SPOCK3: variants seen among roughly 807,000 people sequenced by gnomAD.
SPOCK3 encodes testican-3.
SPOCK3 carries 30 observed loss-of-function variants against 56.6 expected under a neutral mutation model. The observed-to-expected ratio is 0.53, with a 90% confidence interval of 0.40 to 0.72. SPOCK3 has a LOEUF of 0.72. SPOCK3 is among the 30% of genes least tolerant of loss of function. The pLI is 0.00. For missense variants in SPOCK3, 527 were observed against 530.0 expected (o/e 0.99, Z 0.06); for synonymous variants, 196 against 183.3 (o/e 1.07, Z -0.56).
chr4:167,167,501 T>C (rs1210857540), intron 2 of SPOCK3, among the ~76,000 whole-genome samples: 1 of 152,180 alleles, frequency 6.6e-6, no homozygotes, highest in Non-Finnish European at 1.5e-5. Context: ...CAGAAAACTG[T>C]AAATAAATCA....
intron 6 of SPOCK3, among the ~76,000 whole-genome samples, chr4:166,829,582 T>G (rs937002064): frequency 6.6e-6 from 1 of 152,120 alleles, no homozygotes; most frequent in East Asian, 1.9e-4. Flanking sequence ...TTTAACTTAC[T>G]AATCGTCTCA....
At chr4:167,189,334 T>C (rs1232154928) in intron 2 of SPOCK3, among the ~76,000 whole-genome samples, 1 of 145,878 alleles carries the variant, frequency 6.9e-6, no homozygotes, top group Non-Finnish European at 1.5e-5. Context: ...TATTTAGAAA[T>C]AGTTTGTCAG....
chr4:167,014,657 ATT>A (rs954926292), intron 3 of SPOCK3, among the ~76,000 whole-genome samples: 2 of 151,746 alleles, frequency 1.3e-5, no homozygotes, highest in African/African-American at 4.8e-5. Context: ...CCTGTTTTTA[ATT>A]TTTTTTAAAG....
rs529529173 is a variant in SPOCK3, at chr4:166,954,696, AG to A, written c.351-41954del. 1.6e-4 allele frequency among the ~76,000 whole-genome samples: 24 copies of A among 152,280 alleles called. No individual in the cohort carries two copies. In the South Asian group the frequency reaches 2.5e-3, roughly 16 times the overall value. On this transcript the variant is annotated intron_variant, in intron 4 of 10. Coordinates refer to ENST00000357545, the MANE Select transcript of SPOCK3 (RefSeq NM_001040159.2). ...TGAAGCATAATATACCCACCTTAAA[AG>A]GTATCCATTTTTAACTCTACAAGTC... is the stretch of plus-strand genomic sequence containing the variant.
At chr4:167,079,602 TAAGA>T (rs1406410342) in intron 2 of SPOCK3, among the ~76,000 whole-genome samples, 1 of 151,548 alleles carries the variant, frequency 6.6e-6, no homozygotes. Context: ...CAAAAACACA[TAAGA>T]AAGAAAAAAA....
intron 7 of SPOCK3, among the ~76,000 whole-genome samples, chr4:166,766,549 T>C (rs1293803585): frequency 6.6e-6 from 1 of 152,152 alleles, no homozygotes; most frequent in Non-Finnish European, 1.5e-5. Context: ...AACTTGATCG[T>C]GGTGGATAAG....
intron 2 of SPOCK3, among the ~76,000 whole-genome samples, chr4:167,204,004 C>T (rs980411734): frequency 9.2e-5 from 14 of 152,012 alleles, no homozygotes; most frequent in Non-Finnish European, 2.9e-5. Context: ...AGTTATAGAA[C>T]CTCTAGTTTT....
chr4:166,833,178 TTAA>T (rs35491656), intron 6 of SPOCK3, among the ~76,000 whole-genome samples: 21,540 of 152,210 alleles, frequency 0.14, 1,848 homozygotes, highest in Non-Finnish European at 0.19. Flanking sequence ...TTCCAAATAT[TTAA>T]TAATTTTTAG....
At chr4:167,087,395 T>C (rs2150302765) in intron 2 of SPOCK3, among the ~76,000 whole-genome samples, 1 of 152,266 alleles carries the variant, frequency 6.6e-6, no homozygotes, top group South Asian at 2.1e-4. Context: ...TCTCTTGAAA[T>C]ACAGAACGCA....
intron 3 of SPOCK3, among the ~76,000 whole-genome samples, chr4:167,039,060 C>A (rs1459187797): frequency 1.3e-5 from 2 of 152,140 alleles, no homozygotes. Context: ...AGTGCTGGGT[C>A]CTTCTTGAGG....
chr4:167,141,444 C>T (rs1763522771), intron 2 of SPOCK3, among the ~76,000 whole-genome samples: 1 of 151,874 alleles, frequency 6.6e-6, no homozygotes, highest in Non-Finnish European at 1.5e-5. Flanking sequence ...ATTTAAAAGC[C>T]CCACAGCTCT....
At chr4:166,951,540 C>A (rs1276701814) in intron 4 of SPOCK3, among the ~76,000 whole-genome samples, 1 of 139,884 alleles carries the variant, frequency 7.1e-6, no homozygotes, top group Admixed American at 6.9e-5. Flanking sequence ...TGAAACTATT[C>A]CAATCAATAG....
At position 166,962,125 on chromosome 4, in the gene SPOCK3, A is replaced by T. The variant is rs183609584; in HGVS notation, c.350+38224T>A. ...TCTTCCTCCCTTCCCACATTTAAGG[A>T]CCCTTATGATTACTATGAGCCTACT... On this transcript the variant is annotated intron_variant, in intron 4 of 10. Coordinates refer to ENST00000357545, the MANE Select transcript of SPOCK3 (RefSeq NM_001040159.2). 3.1e-4 allele frequency among the ~76,000 whole-genome samples: 47 copies of T among 152,180 alleles called. 1 individual carries two copies. Among genetic ancestry groups the T allele is most frequent in the Admixed American group, 2.9e-3 (45 of 15,262 alleles).
rs959385346 is a variant in SPOCK3, at chr4:167,126,560, A to C, written c.190-64023T>G. On this transcript the variant is annotated intron_variant, in intron 2 of 10. Transcript: ENST00000357545. ...GTCAAACTCTGTCAAAAAAACAAAC[A>C]AAAAAAGTTCATTGCCAACATATTG... 4.8e-3 allele frequency among the ~76,000 whole-genome samples: 726 copies of C among 151,740 alleles called. 5 individuals are homozygous for C. The highest frequency in any genetic ancestry group is 0.016 in the African/African-American group (679 of 41,182).
chr4:167,116,535 T>C (rs1193434411), intron 2 of SPOCK3, among the ~76,000 whole-genome samples: 1 of 139,702 alleles, frequency 7.2e-6, no homozygotes, highest in Non-Finnish European at 1.5e-5. Flanking sequence ...TATGTATATA[T>C]ATATAAAAGT....
At chr4:166,763,936 T>A (rs1454694141) in intron 7 of SPOCK3, among the ~76,000 whole-genome samples, 1 of 152,132 alleles carries the variant, frequency 6.6e-6, no homozygotes, top group African/African-American at 2.4e-5. Context: ...TCAAGGTATC[T>A]GCAGTTCCTT....
intron 2 of SPOCK3, among the ~76,000 whole-genome samples, chr4:167,076,088 T>C (rs1580214700): frequency 6.6e-6 from 1 of 152,022 alleles, no homozygotes; most frequent in South Asian, 2.1e-4. Flanking sequence ...TGTATGGCAT[T>C]CTGGAAAAGG....
rs1560926671 is a variant in SPOCK3 at position 166,847,663 on chromosome 4, A to ATATATATATATATATATATC, written c.589+41466_589+41467insGATATATATATATATATATA. ...AATCCTAGTTTATATATATATATAT[A>ATATATATATATATATATATC]TATATATATATATATATAAGAATCA... On this transcript the variant is annotated intron_variant, in intron 6 of 10. Transcript: ENST00000357545. Among the ~76,000 whole-genome samples, 3 of 98,336 alleles carry ATATATATATATATATATATC rather than the reference A, an allele frequency of 3.1e-5. No individual in the cohort carries two copies. The East Asian group carries it at 1.3e-3, about 41-fold the overall frequency. The allele number at this position is 98,336 out of a possible 152,430, so 64.5% of individuals were successfully genotyped here. A position where few individuals can be genotyped will look rare whatever the true frequency, so the allele number is the denominator to read the frequency against.
chr4:167,130,189 C>G (rs1762592702), intron 2 of SPOCK3, among the ~76,000 whole-genome samples: 2 of 152,070 alleles, frequency 1.3e-5, no homozygotes, highest in Non-Finnish European at 2.9e-5. Flanking sequence ...TGGTCTCAAA[C>G]TCCCAGCCTC....
Sources: gnomAD v4.1 joint callset for allele counts (sites outside exome capture counted in the v4.1 genomes callset) on GRCh38, gnomAD v4.1.1 for gene constraint, MANE v1.5 for transcripts, NCBI Gene and HGNC (gene_info 2026-07-23, HGNC 2026-07-21) for gene names.